Variants in EPHA6 observed in about 807,000 individuals in gnomAD.
EPHA6 encodes the protein EPH receptor A6.
In EPHA6, 50 loss-of-function variants were observed where a neutral mutation model predicts 112.0. The ratio of observed to expected loss-of-function variants is 0.45; its 90% CI spans 0.36 to 0.56. The LOEUF (loss-of-function observed/expected upper bound fraction) is 0.56, where lower values mean the gene tolerates loss of function less well. EPHA6 is among the 20% of genes least tolerant of loss of function. EPHA6 has a pLI of 0.00. For synonymous variants in EPHA6, 529 were observed against 490.7 expected (o/e 1.08, Z -1.03); for missense variants, 1,280 against 1,417.4 (o/e 0.90, Z 1.56).
intron 16 of EPHA6, among the ~76,000 whole-genome samples, chr3:97,741,029 A>T (rs1559640997): frequency 6.6e-6 from 1 of 152,072 alleles, no homozygotes; most frequent in Non-Finnish European, 1.5e-5. Context: ...GGATCAGGAG[A>T]TTTGAAACTT....
chr3:97,422,325 G>T (rs1275423015), intron 6 of EPHA6, among the ~76,000 whole-genome samples: 1 of 152,062 alleles, frequency 6.6e-6, no homozygotes, highest in Non-Finnish European at 1.5e-5. Context: ...CCTTATGTAA[G>T]ATCTGTATGT....
chr3:97,690,614 C>T (rs1167446861), intron 14 of EPHA6, among the ~76,000 whole-genome samples: 1 of 151,984 alleles, frequency 6.6e-6, no homozygotes, highest in Non-Finnish European at 1.5e-5. Context: ...ATTACAGGCT[C>T]ACACCACCAT....
At chr3:97,422,807 T>A (rs1459647218) in intron 6 of EPHA6, among the ~76,000 whole-genome samples, 1 of 152,130 alleles carries the variant, frequency 6.6e-6, no homozygotes, top group Non-Finnish European at 1.5e-5. Flanking sequence ...AAATAACTAA[T>A]CCACCATGAT....
intron 3 of EPHA6, among the ~76,000 whole-genome samples, chr3:97,005,413 C>T (rs139164622): frequency 9.2e-5 from 14 of 151,964 alleles, no homozygotes; most frequent in African/African-American, 2.7e-4. Context: ...TTTGACTCTC[C>T]GCTTGCCTAT....
chr3:97,366,609 G>GTTT (rs111677037), intron 5 of EPHA6, among the ~76,000 whole-genome samples: 5 of 146,346 alleles, frequency 3.4e-5, no homozygotes, highest in African/African-American at 1.2e-4. Flanking sequence ...CACAATTACT[G>GTTT]TTTTTTTTTT....
chr3:96,862,767 A>G (rs2036082054), intron 1 of EPHA6, among the ~76,000 whole-genome samples: 1 of 152,132 alleles, frequency 6.6e-6, no homozygotes. Flanking sequence ...TTTAAAGGCA[A>G]GAAGTTAATA....
intron 11 of EPHA6, among the ~76,000 whole-genome samples, 188 bp from the exon 12 acceptor site, chr3:97,592,424 C>G (rs1487744662): frequency 6.6e-6 from 1 of 151,818 alleles, no homozygotes; most frequent in Non-Finnish European, 1.5e-5. Flanking sequence ...AGTTGAGTAG[C>G]TTTCTTTTCA....
At chr3:97,549,786 G>T (rs2093004915) in intron 11 of EPHA6, among the ~76,000 whole-genome samples, 1 of 151,676 alleles carries the variant, frequency 6.6e-6, no homozygotes, top group South Asian at 2.1e-4. Context: ...ACTCCAGCCT[G>T]GGCGACAAGG....
chr3:97,708,000 A>C (rs1263866111), intron 14 of EPHA6, among the ~76,000 whole-genome samples: 1 of 152,242 alleles, frequency 6.6e-6, no homozygotes, highest in African/African-American at 2.4e-5. Flanking sequence ...TTATAGCAGA[A>C]TGAAAATGGA....
Position 97,224,142 on chromosome 3 carries a change from T to G in EPHA6, c.1115-2122T>G, listed in dbSNP as rs538227636. On this transcript the variant is annotated intron_variant, in intron 3 of 17. Coordinates refer to ENST00000389672, the MANE Select transcript of EPHA6 (RefSeq NM_001080448.3). ...TTAAATAAAATATATTATTAAAATA[T>G]AATTTCACCTGTTTCTTTTTAGTAT... 1.1e-3 allele frequency among the ~76,000 whole-genome samples: 162 copies of G among 152,286 alleles called. 2 individuals are homozygous for G. Among genetic ancestry groups the G allele is most frequent in the African/African-American group, 3.7e-3 (154 of 41,580 alleles).
intron 10 of EPHA6, among the ~76,000 whole-genome samples, chr3:97,531,644 T>G (rs1198553691): frequency 6.6e-6 from 1 of 152,090 alleles, no homozygotes; most frequent in African/African-American, 2.4e-5. Flanking sequence ...TACCAGATTA[T>G]AAGCACCTGA....
intron 5 of EPHA6, among the ~76,000 whole-genome samples, chr3:97,331,011 G>C (rs989991278): frequency 6.6e-6 from 1 of 152,086 alleles, no homozygotes; most frequent in Non-Finnish European, 1.5e-5. Context: ...GCACTCCTCA[G>C]CAAATGTAAG....
intron 2 of EPHA6, among the ~76,000 whole-genome samples, chr3:96,916,984 A>G (rs1165983612): frequency 6.6e-6 from 1 of 152,174 alleles, no homozygotes; most frequent in South Asian, 2.1e-4. Context: ...CTGTGCTTTC[A>G]GTGGGCTGTA....
chr3:97,079,859 CA>C (rs1254807074), intron 3 of EPHA6, among the ~76,000 whole-genome samples: 1 of 150,616 alleles, frequency 6.6e-6, no homozygotes, highest in South Asian at 2.1e-4. Context: ...TCTCCACCAG[CA>C]AAAAAATTAT....
intron 3 of EPHA6, among the ~76,000 whole-genome samples, chr3:97,131,106 G>T (rs964720161): frequency 6.6e-6 from 1 of 151,978 alleles, no homozygotes; most frequent in Non-Finnish European, 1.5e-5. Context: ...AGAAGAAAAA[G>T]AACTCGTATT....
chr3:97,648,525 T>C, intron 14 of EPHA6: 1 of 1,278,098 alleles, frequency 7.8e-7, no homozygotes, highest in Non-Finnish European at 9.9e-7. Context: ...TTTTTAAGCC[T>C]TGAACATGTC....
chr3:97,593,430 A>G (rs185590021), intron 12 of EPHA6, among the ~76,000 whole-genome samples: 262 of 152,308 alleles, frequency 1.7e-3, no homozygotes, highest in African/African-American at 6.0e-3. Context: ...ATTGTACCTA[A>G]AGGATGCAAT....
At chr3:97,747,859 G>C (rs978419790) in intron 17 of EPHA6, among the ~76,000 whole-genome samples, 2 of 151,508 alleles carry the variant, frequency 1.3e-5, no homozygotes, top group African/African-American at 4.9e-5. Flanking sequence ...TTTTACCTTG[G>C]CAAATTATTA....
chr3:96,990,875 T>G (rs1225756717), intron 3 of EPHA6, among the ~76,000 whole-genome samples: 1 of 152,118 alleles, frequency 6.6e-6, no homozygotes, highest in African/African-American at 2.4e-5. Context: ...CAAACTTATA[T>G]GAAAAAACTG....
Sources: gnomAD v4.1 joint callset for allele counts (sites outside exome capture counted in the v4.1 genomes callset) on GRCh38, gnomAD v4.1.1 for gene constraint, MANE v1.5 for transcripts, NCBI Gene and HGNC (gene_info 2026-07-23, HGNC 2026-07-21) for gene names.